The following ZNF407 variants were observed in gnomAD, a reference collection of about 807,000 sequenced individuals.
ZNF407 encodes the protein zinc finger protein 407.
In ZNF407, 17 loss-of-function variants were observed where a neutral mutation model predicts 131.2. That is an observed-to-expected ratio of 0.13 (90% CI 0.09 to 0.19). The LOEUF (loss-of-function observed/expected upper bound fraction) is 0.19, where lower values mean the gene tolerates loss of function less well. Ranked by LOEUF, ZNF407 falls within the 10% of genes least tolerant of loss-of-function variation. The probability of loss-of-function intolerance (pLI) is 1.00; values close to 1 mark genes in which losing one functional copy is unlikely to be tolerated. For synonymous variants in ZNF407, 1,156 were observed against 1,062.0 expected, an observed-to-expected ratio of 1.09 and a Z score of -1.72; for missense variants, 2,681 against 2,830.6, an observed-to-expected ratio of 0.95 and a Z score of 1.20.
At chr18:74,985,187 T>C (rs1972638551) in intron 8 of ZNF407, among the ~76,000 whole-genome samples, 1 of 152,206 alleles carries the variant, frequency 6.6e-6, no homozygotes, top group South Asian at 2.1e-4. Context: ...AATCACCCTG[T>C]TAAACAGTTT....
chr18:74,800,557 A>C (rs1005911397), intron 4 of ZNF407, among the ~76,000 whole-genome samples: 1 of 152,114 alleles, frequency 6.6e-6, no homozygotes, highest in African/African-American at 2.4e-5. Context: ...TCTCCTTGCC[A>C]TCTATGGCCT....
chr18:74,953,781 A>G (rs567941338), intron 8 of ZNF407, among the ~76,000 whole-genome samples: 167 of 152,372 alleles, frequency 1.1e-3, no homozygotes, highest in African/African-American at 3.8e-3. Context: ...GGCTGCAGAC[A>G]GCCCCTTACT....
At chr18:75,031,417 C>T (rs1371934239) in intron 8 of ZNF407, among the ~76,000 whole-genome samples, 4 of 151,862 alleles carry the variant, frequency 2.6e-5, no homozygotes, top group African/African-American at 4.8e-5. Context: ...GAAAATGGGT[C>T]TTTTTTTTAT....
intron 8 of ZNF407, among the ~76,000 whole-genome samples, chr18:74,987,444 A>G (rs1599280504): frequency 6.6e-6 from 1 of 152,210 alleles, no homozygotes; most frequent in African/African-American, 2.4e-5. Flanking sequence ...GTCCGTGTTC[A>G]TCTCCTCCAA....
At chr18:74,668,220 CT>C (rs1986005896) in intron 3 of ZNF407, among the ~76,000 whole-genome samples, 1 of 152,192 alleles carries the variant, frequency 6.6e-6, no homozygotes, top group African/African-American at 2.4e-5. Flanking sequence ...CCCAAATTTA[CT>C]TTGCATAATG....
chr18:74,898,118 C>T (rs955274798), intron 7 of ZNF407: 2 of 152,060 alleles, frequency 1.3e-5, no homozygotes, highest in Non-Finnish European at 1.5e-5. Flanking sequence ...ATGGTGATGC[C>T]GTCGTTTTTA....
intron 3 of ZNF407, among the ~76,000 whole-genome samples, chr18:74,755,321 A>C (rs1599126223): frequency 6.6e-6 from 1 of 152,032 alleles, no homozygotes; most frequent in South Asian, 2.1e-4. Context: ...GTGTCTTTTA[A>C]TTGGAGGATT....
chr18:74,846,757 G>T (rs1970708516), intron 4 of ZNF407, among the ~76,000 whole-genome samples: 1 of 151,722 alleles, frequency 6.6e-6, no homozygotes, highest in Admixed American at 6.6e-5. Flanking sequence ...ACTTTGGGAG[G>T]CCGAGGCTGG....
rs1983331937 is a variant in ZNF407, at chr18:74,617,025, T to C, written c.-53-13942T>C. 5.7e-5 allele frequency among the ~76,000 whole-genome samples: 7 copies of C among 122,858 alleles called. 1 individual carries two copies. Among genetic ancestry groups the C allele is most frequent in the African/African-American group, 1.3e-4 (4 of 30,284 alleles). 80.6% of individuals were successfully genotyped at this position (122,858 alleles called of 152,430 possible). A position where few individuals can be genotyped will look rare whatever the true frequency, so the allele number is the denominator to read the frequency against. ...CATCCATATCCACACACCACACATATCCATATCCACACAGCACACACATCC... is the reference window on the plus strand; with the variant it reads ...CATCCATATCCACACACCACACATACCCATATCCACACAGCACACACATCC... On this transcript the variant is annotated intron_variant, in intron 1 of 8. Coordinates refer to ENST00000299687, the MANE Select transcript of ZNF407 (RefSeq NM_017757.3).
At chr18:74,688,776 C>T (rs926642890) in intron 3 of ZNF407, among the ~76,000 whole-genome samples, 2 of 151,692 alleles carry the variant, frequency 1.3e-5, no homozygotes, top group Admixed American at 6.6e-5. Flanking sequence ...TACAGGACAG[C>T]TTAGAGGGAC....
In ZNF407 at chr18:74,789,552, AGTC is replaced by A. The variant is rs571516238; in HGVS notation, c.4877+8054_4877+8056del. ...CTGAACAGGCTGTGGCTGCTGTGCC[AGTC>A]GTCTTTTCCTCTGTCTGTAAGAGAA... On this transcript the variant is annotated intron_variant, in intron 4 of 8. Transcript: ENST00000299687. Among the ~76,000 whole-genome samples the A allele has an allele frequency of 5.6e-3, 859 of 152,290 alleles. 11 individuals are homozygous for A. Among genetic ancestry groups the A allele is most frequent in the South Asian group, 0.021 (103 of 4,816 alleles).
intron 3 of ZNF407, among the ~76,000 whole-genome samples, chr18:74,742,628 A>G (rs1261257864): frequency 6.6e-6 from 1 of 152,186 alleles, no homozygotes; most frequent in Non-Finnish European, 1.5e-5. Flanking sequence ...ACATCATTTT[A>G]GGAAGAGTGA....
chr18:74,705,694 A>G (rs1213418951), intron 3 of ZNF407, among the ~76,000 whole-genome samples: 1 of 152,230 alleles, frequency 6.6e-6, no homozygotes, highest in East Asian at 1.9e-4. Flanking sequence ...ATAAGTAGGG[A>G]TATATTTAAA....
intron 3 of ZNF407, among the ~76,000 whole-genome samples, chr18:74,682,315 A>G (rs148034088): frequency 6.6e-6 from 1 of 152,260 alleles, no homozygotes; most frequent in Non-Finnish European, 1.5e-5. Context: ...AATTGTGGTC[A>G]GAAAATCAAG....
intron 4 of ZNF407, among the ~76,000 whole-genome samples, chr18:74,876,020 A>T (rs1397640010): frequency 1.3e-5 from 2 of 152,200 alleles, no homozygotes; most frequent in Non-Finnish European, 2.9e-5. Flanking sequence ...TTGCCTCAAA[A>T]TAGGGAAGTT....
chr18:74,696,921 T>TA (rs1214032239), intron 3 of ZNF407, among the ~76,000 whole-genome samples: 1 of 152,100 alleles, frequency 6.6e-6, no homozygotes, highest in Admixed American at 6.6e-5. Context: ...GGTTGGCACA[T>TA]AAAAAACAAA....
intron 3 of ZNF407, among the ~76,000 whole-genome samples, chr18:74,680,536 T>C (rs1035191348): frequency 6.6e-6 from 1 of 152,170 alleles, no homozygotes; most frequent in Admixed American, 6.5e-5. Context: ...AAGTGAAAAG[T>C]GCTTATTGTA....
chr18:74,689,088 A>C (rs1054164305), intron 3 of ZNF407, among the ~76,000 whole-genome samples: 1 of 152,166 alleles, frequency 6.6e-6, no homozygotes, highest in Non-Finnish European at 1.5e-5. Context: ...TTGACCTCCC[A>C]AAGTGCTGGG....
intron 3 of ZNF407, among the ~76,000 whole-genome samples, chr18:74,664,349 A>G (rs1483081551): frequency 1.3e-5 from 2 of 152,030 alleles, no homozygotes; most frequent in Non-Finnish European, 2.9e-5. Context: ...AAAATAAAAC[A>G]TTAGCCGTGG....
Sources: gnomAD v4.1 joint callset for allele counts (sites outside exome capture counted in the v4.1 genomes callset) on GRCh38, gnomAD v4.1.1 for gene constraint, MANE v1.5 for transcripts, NCBI Gene and HGNC (gene_info 2026-07-23, HGNC 2026-07-21) for gene names.